The following NUFIP1 variants were observed in gnomAD, a reference collection of about 807,000 sequenced individuals.
The protein encoded by NUFIP1 is nuclear FMR1 interacting protein 1.
A neutral mutation model predicts 56.2 loss-of-function variants in NUFIP1; 38 were observed. The observed-to-expected ratio is 0.68, with a 90% CI of 0.52 to 0.89. The LOEUF is 0.89. Among genes scored for constraint, NUFIP1 ranks in the 40% least tolerant of loss-of-function variants. The pLI, the probability that NUFIP1 is intolerant of heterozygous loss-of-function variation, is 0.00. For synonymous variants in NUFIP1, 215 were observed against 212.4 expected, an observed-to-expected ratio of 1.01 and a Z score of -0.10; for missense variants, 567 against 605.8, an observed-to-expected ratio of 0.94 and a Z score of 0.67.
At position 44,989,428 on chromosome 13, in the gene NUFIP1, C is replaced by A. The variant is rs1330704502; in HGVS notation, c.9G>T (p.Glu3Asp). 1 of 1,613,302 alleles carries A rather than the reference C, an allele frequency of 6.2e-7. No individual in the cohort carries two copies. Among genetic ancestry groups the A allele is most frequent in the African/African-American group, 1.3e-5 (1 of 74,922 alleles). The change falls in exon 1 of 10, where the codon GAG becomes GAT. Residue 3 changes from glutamate to aspartate, a missense_variant. Coordinates refer to ENST00000379161, the MANE Select transcript of NUFIP1 (RefSeq NM_012345.3). ...TAGGAGTCTCGAAATCACTAGTCGG[C>A]TCAGCCATACCACTGGCGGGTCCGG... MA[E>D]PTSDFETPIG...
intron 5 of NUFIP1, among the ~76,000 whole-genome samples, chr13:44,975,885 A>G (rs1319937714): frequency 6.6e-6 from 1 of 152,222 alleles, no homozygotes; most frequent in African/African-American, 2.4e-5. Flanking sequence ...ATACCACCAC[A>G]AGATAGAAGA....
intron 1 of NUFIP1, among the ~76,000 whole-genome samples, chr13:44,987,561 A>C (rs1352797724): frequency 6.6e-6 from 1 of 152,072 alleles, no homozygotes; most frequent in Non-Finnish European, 1.5e-5. Context: ...AGGAAAACAT[A>C]CTTTTACATG....
intron 9 of NUFIP1, among the ~76,000 whole-genome samples, chr13:44,942,202 C>G (rs1319090523): frequency 2.0e-5 from 3 of 152,154 alleles, no homozygotes; most frequent in Non-Finnish European, 2.9e-5. Flanking sequence ...TAAAAACTTC[C>G]AACATTCCTT....
chr13:44,952,551 G>A (rs1871117013), intron 7 of NUFIP1, among the ~76,000 whole-genome samples: 1 of 152,200 alleles, frequency 6.6e-6, no homozygotes, highest in Non-Finnish European at 1.5e-5. Flanking sequence ...AGGCTTTAAT[G>A]TCCTTTCCCT....
chr13:44,941,258 T>A lies in NUFIP1; in HGVS notation c.1436A>T (p.Lys479Ile), dbSNP rs1043578385. ...VILQCVRYII[K>I]KDFFGLDTNS... ...AGTATCCAGTCCAAAAAAGTCTTTT[T>A]TGATGATGTACCGAACACACTGCAA... Residue 479 changes from lysine (K) to isoleucine (I), a missense_variant, in exon 10 of 10, where the codon AAA becomes ATA. Transcript: ENST00000379161. 1.2e-6 allele frequency: 2 copies of A among 1,612,540 alleles called. No individual in the cohort carries two copies. Among genetic ancestry groups the A allele is most frequent in the African/African-American group, 2.7e-5 (2 of 74,868 alleles).
chr13:44,959,272 C>T lies in NUFIP1; in HGVS notation c.1021+109G>A, dbSNP rs928827325. On this transcript the variant is annotated intron_variant, in intron 7 of 9. Coordinates refer to ENST00000379161, the MANE Select transcript of NUFIP1 (RefSeq NM_012345.3). ...AAACAAAAACAAAAGCATCATTCTG[C>T]ATTGTTATACATTTGATATTAAACT... 4.1e-6 allele frequency: 4 copies of T among 967,292 alleles called. No individual in the cohort carries two copies. The African/African-American group carries it at 6.6e-5, about 16-fold the overall frequency. 59.9% of individuals were successfully genotyped at this position (967,292 alleles called of 1,614,324 possible).
chr13:44,963,125 T>C (rs777356178), intron 6 of NUFIP1, among the ~76,000 whole-genome samples: 4 of 152,292 alleles, frequency 2.6e-5, no homozygotes, highest in African/African-American at 9.6e-5. Flanking sequence ...GAATTTTGAC[T>C]GTAATTAATT....
In NUFIP1 at chr13:44,948,568, C is replaced by G. The variant is rs183177060; in HGVS notation, c.1138+1154G>C. 7.2e-5 allele frequency among the ~76,000 whole-genome samples: 11 copies of G among 152,268 alleles called. No individual in the cohort carries two copies. In the East Asian group the frequency reaches 1.7e-3, roughly 24 times the overall value. On this transcript the variant is annotated intron_variant, in intron 8 of 9. Coordinates refer to ENST00000379161, the MANE Select transcript of NUFIP1 (RefSeq NM_012345.3). ...TGAGACATAGACATGAATTTTCTCA[C>G]GGCTGGTAAAGTCTAAATAAAATGA...
intron 7 of NUFIP1, among the ~76,000 whole-genome samples, chr13:44,958,584 T>C (rs906120833): frequency 2.0e-5 from 3 of 152,186 alleles, no homozygotes; most frequent in Non-Finnish European, 2.9e-5. Flanking sequence ...CATGTGATTA[T>C]CATAGAAGCC....
chr13:44,975,138 T>C (rs1298316707), intron 5 of NUFIP1, among the ~76,000 whole-genome samples: 1 of 152,150 alleles, frequency 6.6e-6, no homozygotes, highest in Non-Finnish European at 1.5e-5. Context: ...TGGATTTTAT[T>C]CTCTATTAGA....
intron 7 of NUFIP1, among the ~76,000 whole-genome samples, chr13:44,956,694 G>GT (rs1470660181): frequency 6.6e-6 from 1 of 152,154 alleles, no homozygotes; most frequent in Non-Finnish European, 1.5e-5. Context: ...AGAATCTAAT[G>GT]CTGCTGCTGA....
intron 7 of NUFIP1, among the ~76,000 whole-genome samples, chr13:44,957,914 C>T (rs1871297740): frequency 6.6e-6 from 1 of 152,150 alleles, no homozygotes; most frequent in Admixed American, 6.5e-5. Context: ...GTTTTAATGA[C>T]ATAAAAGCTT....
chr13:44,979,951 C>T lies in NUFIP1; in HGVS notation c.596G>A (p.Cys199Tyr). 4 of 1,592,092 alleles carry T rather than the reference C, an allele frequency of 2.5e-6. No homozygotes were observed. The highest frequency in any genetic ancestry group is 3.4e-6 in the Non-Finnish European group (4 of 1,172,196). The stretch of plus-strand genomic sequence containing the variant: ...AGTAAAAGAGCAATCTAATTCAGGG[C>T]ACTATGAGTTTTTAAAAGAAAAAAA... The part of the protein sequence containing the change: ...YDKHMSEHTK[C>Y]PELDCSFTAH... The change falls in exon 4 of 10, where the codon TGC (cysteine) becomes TAC (tyrosine). Residue 199 changes from cysteine (C) to tyrosine (Y), a missense_variant and splice_region_variant. By Grantham distance (194) the Cys-to-Tyr change is radical. Transcript: ENST00000379161.
chr13:44,957,373 G>A (rs1003829507), intron 7 of NUFIP1, among the ~76,000 whole-genome samples: 17 of 152,002 alleles, frequency 1.1e-4, no homozygotes, highest in Admixed American at 8.5e-4. Context: ...CATCACACCC[G>A]GCTAATTTTT....
intron 7 of NUFIP1, among the ~76,000 whole-genome samples, chr13:44,953,040 T>C (rs1871129237): frequency 6.6e-6 from 1 of 152,198 alleles, no homozygotes; most frequent in Admixed American, 6.5e-5. Flanking sequence ...ACAACCCAGG[T>C]CCATAATATC....
chr13:44,961,279 T>C (rs1871415358), intron 6 of NUFIP1, among the ~76,000 whole-genome samples: 1 of 152,154 alleles, frequency 6.6e-6, no homozygotes, highest in South Asian at 2.1e-4. Flanking sequence ...GAGGATGCAG[T>C]AAATAATTAG....
chr13:44,973,694 T>C (rs915624919), intron 5 of NUFIP1, among the ~76,000 whole-genome samples: 11 of 152,160 alleles, frequency 7.2e-5, no homozygotes, highest in Non-Finnish European at 1.3e-4. Context: ...GGAGATACCA[T>C]ATTCAAAGAA....
chr13:44,949,198 T>TG (rs1870996565), intron 8 of NUFIP1, among the ~76,000 whole-genome samples: 1 of 74,420 alleles, frequency 1.3e-5, no homozygotes, highest in Admixed American at 2.0e-4. Context: ...CATTATATTG[T>TG]ATTTTTTTTT....
At chr13:44,972,220 A>G (rs893342218) in intron 5 of NUFIP1, among the ~76,000 whole-genome samples, 1 of 152,246 alleles carries the variant, frequency 6.6e-6, no homozygotes, top group Non-Finnish European at 1.5e-5. Context: ...GTGAATGTTT[A>G]TGAAGACTTT....
Sources: gnomAD v4.1 joint callset for allele counts (sites outside exome capture counted in the v4.1 genomes callset) on GRCh38, gnomAD v4.1.1 for gene constraint, MANE v1.5 for transcripts, NCBI Gene and HGNC (gene_info 2026-07-23, HGNC 2026-07-21) for gene names.